The following NAV2 variants were observed in gnomAD, a reference collection of about 807,000 sequenced individuals.
The protein encoded by NAV2 is neuron navigator 2.
Under a neutral mutation model 223.2 loss-of-function variants are expected in NAV2, and 54 were observed. That is an observed-to-expected ratio of 0.24 (90% CI 0.19 to 0.30). The LOEUF (loss-of-function observed/expected upper bound fraction) is 0.30. Among genes scored for constraint, NAV2 ranks in the 10% least tolerant of loss-of-function variants. The pLI, the probability that NAV2 is intolerant of heterozygous loss-of-function variation, is 1.00. For missense variants in NAV2, 2,806 were observed against 3,147.5 expected, an observed-to-expected ratio of 0.89 and a Z score of 2.60; for synonymous variants, 1,279 against 1,239.3, an observed-to-expected ratio of 1.03 and a Z score of -0.67.
intron 1 of NAV2, among the ~76,000 whole-genome samples, chr11:19,684,480 G>A (rs1355329029): frequency 6.6e-6 from 1 of 152,072 alleles, no homozygotes; most frequent in Non-Finnish European, 1.5e-5. Context: ...CAGAAGAGGG[G>A]CAGCTGCTCA....
chr11:19,945,659 C>T (rs958921670), intron 8 of NAV2, among the ~76,000 whole-genome samples: 77 of 152,316 alleles, frequency 5.1e-4, no homozygotes, highest in Admixed American at 4.6e-3. Context: ...CTGTTTCTTA[C>T]AGGCTCCCTG....
intron 10 of NAV2, among the ~76,000 whole-genome samples, chr11:19,980,174 C>T (rs922695717): frequency 6.6e-6 from 1 of 152,206 alleles, no homozygotes; most frequent in East Asian, 1.9e-4. Flanking sequence ...CCACAGACAC[C>T]TTGTCCCTTT....
chr11:19,351,171 G>C, intron 1 of NAV2: 1 of 802,580 alleles, frequency 1.2e-6, no homozygotes, highest in Admixed American at 2.2e-5. Context: ...GATTTGCTAT[G>C]TCTCGATGCT....
intron 8 of NAV2, among the ~76,000 whole-genome samples, chr11:19,944,758 T>C (rs567233560): frequency 5.0e-4 from 74 of 149,394 alleles, no homozygotes; most frequent in African/African-American, 1.8e-3. Flanking sequence ...TCCCTTTCTT[T>C]CCTTTCCTTC....
chr11:20,094,292 C>A (rs574255990), intron 29 of NAV2, among the ~76,000 whole-genome samples: 1 of 126,570 alleles, frequency 7.9e-6, no homozygotes, highest in Admixed American at 1.1e-4. Flanking sequence ...TGCAGTGGTG[C>A]GATCTTGGCT....
chr11:19,575,854 G>C (rs910005743), intron 1 of NAV2, among the ~76,000 whole-genome samples: 13 of 152,216 alleles, frequency 8.5e-5, no homozygotes, highest in Non-Finnish European at 8.8e-5. Flanking sequence ...CAGGCACTAT[G>C]AGAGGTAAGG....
chr11:19,870,410 C>T (rs1263154415), intron 4 of NAV2, among the ~76,000 whole-genome samples: 2 of 152,230 alleles, frequency 1.3e-5, no homozygotes, highest in African/African-American at 2.4e-5. Flanking sequence ...AGGCCTGTGT[C>T]CCCCAGCAGA....
intron 1 of NAV2, among the ~76,000 whole-genome samples, chr11:19,542,243 T>C (rs1302829177): frequency 2.0e-5 from 3 of 152,206 alleles, no homozygotes; most frequent in Non-Finnish European, 4.4e-5. Context: ...GGGTACCCTT[T>C]AAGGAACACT....
chr11:19,962,856 G>A (rs1184068805), intron 10 of NAV2, among the ~76,000 whole-genome samples: 1 of 152,154 alleles, frequency 6.6e-6, no homozygotes, highest in Non-Finnish European at 1.5e-5. Context: ...TTGATCTTGG[G>A]AACAGTGGGA....
intron 1 of NAV2, among the ~76,000 whole-genome samples, chr11:19,635,524 A>G (rs995981396): frequency 2.0e-5 from 3 of 152,196 alleles, no homozygotes; most frequent in African/African-American, 7.2e-5. Flanking sequence ...GGAAAGTCCA[A>G]GATTGGGCAG....
At chr11:20,091,441 T>A (rs2153684059) in intron 27 of NAV2, among the ~76,000 whole-genome samples, 1 of 152,314 alleles carries the variant, frequency 6.6e-6, no homozygotes, top group East Asian at 1.9e-4. Flanking sequence ...ACTGGGTATA[T>A]TCCTCTGCAC....
intron 37 of NAV2, 47 bp from the exon 38 acceptor site, chr11:20,118,086 G>A (rs2245836): frequency 1.9e-6 from 3 of 1,607,658 alleles, no homozygotes; most frequent in East Asian, 2.2e-5. Flanking sequence ...CAGGGTGGGC[G>A]GCCAACTAGA....
intron 30 of NAV2, among the ~76,000 whole-genome samples, chr11:20,097,028 C>T (rs988648584): frequency 2.0e-5 from 3 of 152,208 alleles, no homozygotes; most frequent in African/African-American, 7.2e-5. Flanking sequence ...GACCTTAGTT[C>T]TACATTTACT....
chr11:19,771,685 C>T (rs2055733446), intron 1 of NAV2, among the ~76,000 whole-genome samples: 4 of 151,990 alleles, frequency 2.6e-5, no homozygotes, highest in African/African-American at 9.7e-5. Flanking sequence ...AATGCAGTGG[C>T]ATTTAGTATG....
At chr11:19,664,526 C>T (rs181474728) in intron 1 of NAV2, among the ~76,000 whole-genome samples, 4 of 152,290 alleles carry the variant, frequency 2.6e-5, no homozygotes, top group Non-Finnish European at 2.9e-5. Flanking sequence ...GGGAGAAGCA[C>T]CAAGCCAATA....
intron 18 of NAV2, 53 bp from the exon 19 acceptor site, chr11:20,055,716 T>C (rs2058323104): frequency 1.6e-5 from 25 of 1,523,376 alleles, no homozygotes; most frequent in Non-Finnish European, 2.3e-5. Flanking sequence ...CCAACCAGGA[T>C]TTGAACAGAG....
In NAV2 at chr11:19,452,107, A is replaced by AGTGT. The variant is rs60628637; in HGVS notation, c.75+101121_75+101124dup. Among the ~76,000 whole-genome samples, 410 of 146,760 alleles carry AGTGT rather than the reference A, an allele frequency of 2.8e-3. 1 individual carries two copies. The highest frequency in any genetic ancestry group is 8.4e-3 in the African/African-American group (334 of 39,602). On this transcript the variant is annotated intron_variant, in intron 1 of 37. Coordinates refer to the NAV2 transcript ENST00000360655. ...CTGGTCAGTTCTATTAGGTTACAAA[A>AGTGT]GTGTGTGTGTGTGTGTGTGTGTGTG...
chr11:19,938,801 G>A (rs1392121397), intron 7 of NAV2, among the ~76,000 whole-genome samples: 1 of 152,226 alleles, frequency 6.6e-6, no homozygotes, highest in African/African-American at 2.4e-5. Context: ...ACAAAGGAGG[G>A]AAGAACAGTT....
rs560272047 is a variant in NAV2, at chr11:19,971,274, A to G, written c.2646-12851A>G. ...GACGGGGGTTATGTGGTATGTGCCA[A>G]GCTGAAGAGGTTAGAGTGATTGTTC... On this transcript the variant is annotated intron_variant, in intron 10 of 37. Coordinates refer to ENST00000349880, the MANE Select transcript of NAV2 (RefSeq NM_145117.5). 1.9e-3 allele frequency among the ~76,000 whole-genome samples: 294 copies of G among 152,204 alleles called. 2 individuals carry two copies. The highest frequency in any genetic ancestry group is 3.0e-3 in the Non-Finnish European group (207 of 68,026).
Sources: allele counts gnomAD v4.1 joint callset (sites outside exome capture counted in the v4.1 genomes callset), GRCh38; gene constraint gnomAD v4.1.1; transcripts MANE v1.5; gene names NCBI Gene and HGNC (gene_info 2026-07-23, HGNC 2026-07-21).